The following CSMD1 variants were observed in gnomAD, a reference collection of about 807,000 sequenced individuals.
CSMD1 encodes the protein CUB and sushi domain-containing protein 1.
A neutral mutation model predicts 417.5 loss-of-function variants in CSMD1; 213 were observed. The observed-to-expected ratio is 0.51, with a 90% CI of 0.46 to 0.57. CSMD1 has a LOEUF of 0.57. CSMD1 is among the 20% of genes least tolerant of loss of function. CSMD1 has a pLI of 0.00. For synonymous variants in CSMD1, 2,862 were observed against 1,736.8 expected (o/e 1.65, Z -16.11); for missense variants, 6,923 against 4,529.7 (o/e 1.53, Z -15.17).
At chr8:3,456,268 C>A (rs984491581) in intron 12 of CSMD1, among the ~76,000 whole-genome samples, 2 of 151,928 alleles carry the variant, frequency 1.3e-5, no homozygotes, top group African/African-American at 2.4e-5. Flanking sequence ...ATAGGTGGGG[C>A]GATGCCTTGC....
At chr8:4,874,718 T>G (rs911912813) in intron 1 of CSMD1, among the ~76,000 whole-genome samples, 3 of 151,834 alleles carry the variant, frequency 2.0e-5, no homozygotes, top group Non-Finnish European at 4.4e-5. Flanking sequence ...TTTTGAATTA[T>G]ATCTGAATTC....
chr8:4,848,934 T>G (rs1801306668), intron 1 of CSMD1, among the ~76,000 whole-genome samples: 1 of 152,244 alleles, frequency 6.6e-6, no homozygotes, highest in Admixed American at 6.5e-5. Flanking sequence ...TAGAAGGTAC[T>G]TGTTCTACTT....
Position 4,279,971 on chromosome 8 carries a change from G to A in CSMD1, c.415+139982C>T, listed in dbSNP as rs548729258. 1.1e-3 allele frequency among the ~76,000 whole-genome samples: 164 copies of A among 152,290 alleles called. 3 individuals carry two copies. In the South Asian group the frequency reaches 0.033, roughly 31 times the overall value. On this transcript the variant is annotated intron_variant, in intron 3 of 69. Transcript: ENST00000635120. ...GTACATAGGGGCAAGAACATCAAAG[G>A]ATACTGGTGTTTCAAACAGAAACAC...
intron 3 of CSMD1, among the ~76,000 whole-genome samples, chr8:4,185,041 A>C (rs1216091031): frequency 6.7e-6 from 1 of 148,208 alleles, no homozygotes; most frequent in Admixed American, 6.8e-5. Flanking sequence ...TGGGAGGCTG[A>C]GGCAGGAGAA....
At chr8:3,585,212 G>C (rs11993897) in intron 9 of CSMD1, among the ~76,000 whole-genome samples, 5,172 of 152,236 alleles carry the variant, frequency 0.034, 270 homozygotes, top group African/African-American at 0.12. Context: ...GACGTGTTTG[G>C]TAACTAGTTA....
intron 3 of CSMD1, among the ~76,000 whole-genome samples, chr8:4,327,266 T>C (rs530119168): frequency 6.6e-6 from 1 of 152,338 alleles, no homozygotes; most frequent in East Asian, 1.9e-4. Flanking sequence ...CATTTTACAG[T>C]CAATTGCTCT....
At chr8:3,439,309 A>ATATATATATATATATTTTTTTT in intron 12 of CSMD1, among the ~76,000 whole-genome samples, 7 of 62,458 alleles carry the variant, frequency 1.1e-4, no homozygotes, top group African/African-American at 2.7e-4. Context: ...ATATATATAT[A>ATATATATATATATATTTTTTTT]TTTTTTTTTT....
intron 3 of CSMD1, among the ~76,000 whole-genome samples, chr8:4,323,953 G>A (rs887778275): frequency 2.6e-5 from 4 of 152,116 alleles, no homozygotes; most frequent in Non-Finnish European, 4.4e-5. Context: ...TCAGACTACT[G>A]GGCTGTCAGT....
chr8:4,394,041 G>A (rs1183195360), intron 3 of CSMD1, among the ~76,000 whole-genome samples: 1 of 152,100 alleles, frequency 6.6e-6, no homozygotes, highest in African/African-American at 2.4e-5. Context: ...CCTCAGTGAA[G>A]GGCTAATACT....
intron 11 of CSMD1, among the ~76,000 whole-genome samples, chr8:3,492,323 G>C (rs918472881): frequency 6.6e-6 from 1 of 152,116 alleles, no homozygotes; most frequent in African/African-American, 2.4e-5. Flanking sequence ...GCCGCCCATG[G>C]CTCCCCATGG....
At chr8:4,245,898 G>A (rs1264428017) in intron 3 of CSMD1, among the ~76,000 whole-genome samples, 1 of 151,990 alleles carries the variant, frequency 6.6e-6, no homozygotes, top group Non-Finnish European at 1.5e-5. Context: ...TTCATACATG[G>A]TGCTTTAGCT....
intron 3 of CSMD1, among the ~76,000 whole-genome samples, chr8:4,394,964 G>T (rs779004973): frequency 6.6e-6 from 1 of 152,182 alleles, no homozygotes; most frequent in African/African-American, 2.4e-5. Context: ...AAAGGGAAGA[G>T]TTAATTCACA....
At chr8:4,193,373 A>C (rs1271162084) in intron 3 of CSMD1, among the ~76,000 whole-genome samples, 1 of 152,256 alleles carries the variant, frequency 6.6e-6, no homozygotes, top group Non-Finnish European at 1.5e-5. Context: ...GTTTAAATGT[A>C]CTGAGTATCA....
At chr8:4,480,294 G>T (rs1461190342) in intron 2 of CSMD1, among the ~76,000 whole-genome samples, 1 of 151,920 alleles carries the variant, frequency 6.6e-6, no homozygotes, top group Non-Finnish European at 1.5e-5. Flanking sequence ...GGATGAATTT[G>T]CACAAATCAC....
In CSMD1 at chr8:3,641,446, C is replaced by A. The variant is rs554263043; in HGVS notation, c.1010-24649G>T. Among the ~76,000 whole-genome samples, 10 of 152,294 alleles carry A rather than the reference C, an allele frequency of 6.6e-5. No individual in the cohort carries two copies. The South Asian group carries it at 1.7e-3, about 25-fold the overall frequency. The stretch of plus-strand genomic sequence containing the variant: ...CTTCTTATAACCCACATCACTCCTA[C>A]TTTATCAGTAAGTGGTTTTTAGCTG... On this transcript the variant is annotated intron_variant, in intron 7 of 69. Transcript: ENST00000635120.
intron 1 of CSMD1, among the ~76,000 whole-genome samples, chr8:4,875,334 G>A (rs1253167036): frequency 2.0e-5 from 3 of 151,968 alleles, no homozygotes; most frequent in Non-Finnish European, 4.4e-5. Flanking sequence ...AACATGCGAC[G>A]GTTATTGAAT....
intron 3 of CSMD1, among the ~76,000 whole-genome samples, chr8:4,142,624 A>G (rs780889643): frequency 5.3e-5 from 8 of 151,072 alleles, no homozygotes; most frequent in Non-Finnish European, 1.0e-4. Flanking sequence ...CTGGCTCTGT[A>G]TTTAATTGCA....
At chr8:3,510,056 C>T (rs779293599) in intron 10 of CSMD1, among the ~76,000 whole-genome samples, 2 of 152,086 alleles carry the variant, frequency 1.3e-5, no homozygotes, top group Non-Finnish European at 2.9e-5. Context: ...AGTGAAACAC[C>T]GGTAAGGATA....
At chr8:4,356,973 CTATGTGAA>C (rs1283537931) in intron 3 of CSMD1, among the ~76,000 whole-genome samples, 8 of 152,246 alleles carry the variant, frequency 5.3e-5, no homozygotes, top group Non-Finnish European at 8.8e-5. Context: ...GACTTTGCAG[CTATGTGAA>C]TATGTGAATA....
Sources: allele counts gnomAD v4.1 joint callset (sites outside exome capture counted in the v4.1 genomes callset), GRCh38; gene constraint gnomAD v4.1.1; transcripts MANE v1.5; gene names NCBI Gene and HGNC (gene_info 2026-07-23, HGNC 2026-07-21).